Variants in MINDY4 observed in about 807,000 individuals in gnomAD.
MINDY4 encodes the protein MINDY lysine 48 deubiquitinase 4, also known as probable ubiquitin carboxyl-terminal hydrolase MINDY-4.
In MINDY4, 68 loss-of-function variants were observed where a neutral mutation model predicts 87.0. The ratio of observed to expected loss-of-function variants is 0.78; its 90% CI spans 0.64 to 0.96. The LOEUF is 0.96. Among genes scored for constraint, MINDY4 ranks in the 40% least tolerant of loss-of-function variants. MINDY4 has a pLI of 0.00. For missense variants in MINDY4, 919 were observed against 928.2 expected (o/e 0.99, Z 0.13); for synonymous variants, 379 against 363.2 (o/e 1.04, Z -0.50).
intron 15 of MINDY4, among the ~76,000 whole-genome samples, chr7:30,880,861 T>A (rs1481131120): frequency 6.6e-6 from 1 of 152,144 alleles, no homozygotes; most frequent in Non-Finnish European, 1.5e-5. Context: ...TCCCCCTACC[T>A]TCTGGAGGAG....
chr7:30,841,196 C>A (rs779208343), intron 9 of MINDY4, among the ~76,000 whole-genome samples: 4 of 152,210 alleles, frequency 2.6e-5, no homozygotes, highest in Non-Finnish European at 5.9e-5. Context: ...CCGGGCCTCC[C>A]TTCCCTCCCC....
chr7:30,817,749 A>G (rs1376674186), intron 5 of MINDY4, among the ~76,000 whole-genome samples: 1 of 152,204 alleles, frequency 6.6e-6, no homozygotes, highest in Non-Finnish European at 1.5e-5. Context: ...TTGCCAGGTG[A>G]TGCCAGTCTT....
At chr7:30,810,759 G>A (rs1562538623) in intron 5 of MINDY4, among the ~76,000 whole-genome samples, 2 of 152,002 alleles carry the variant, frequency 1.3e-5, no homozygotes, top group Non-Finnish European at 2.9e-5. Context: ...TAATATAAAG[G>A]TGAAATTTAG....
intron 14 of MINDY4, among the ~76,000 whole-genome samples, chr7:30,873,430 C>T (rs546031024): frequency 1.3e-5 from 2 of 152,320 alleles, no homozygotes; most frequent in South Asian, 4.1e-4. Flanking sequence ...TTTTCCCCTC[C>T]TGTGTGTCAG....
chr7:30,864,592 C>G (rs1334374088), intron 13 of MINDY4, among the ~76,000 whole-genome samples: 1 of 152,274 alleles, frequency 6.6e-6, no homozygotes, highest in Non-Finnish European at 1.5e-5. Context: ...GAGCCCTTCT[C>G]CAGCAGCTCC....
Position 30,882,200 on chromosome 7 carries a change from C to A in MINDY4, c.1991C>A (p.Thr664Asn), listed in dbSNP as rs1258316787. The A allele has an allele frequency of 1.9e-6, 3 of 1,610,734 alleles. No homozygotes were observed. The Admixed American group carries it at 5.0e-5, about 27-fold the overall frequency. Reference protein sequence around the residue: ...NMCQVGCFLKTPRFPIWVVCS... With the variant: ...NMCQVGCFLKNPRFPIWVVCS... ...ATCCAGGTTGGCTGCTTCCTGAAGA[C>A]CCCGAGGTTCCCCATCTGGGTGGTT... Residue 664 changes from threonine to asparagine, a missense_variant, in exon 16 of 18, where the codon ACC (threonine) becomes AAC (asparagine). Thr to Asn is a moderately conservative substitution (Grantham distance 65, BLOSUM62 0). Transcript: ENST00000265299.
At chr7:30,880,933 C>T (rs138887205) in intron 15 of MINDY4, among the ~76,000 whole-genome samples, 42 of 152,160 alleles carry the variant, frequency 2.8e-4, no homozygotes, top group African/African-American at 9.9e-4. Flanking sequence ...GAGCACAGCC[C>T]CTCTGTCAGA....
chr7:30,876,526 G>A (rs1212886311), intron 15 of MINDY4, among the ~76,000 whole-genome samples: 1 of 152,190 alleles, frequency 6.6e-6, no homozygotes, highest in Non-Finnish European at 1.5e-5. Context: ...CAGGGGCTCA[G>A]AAAGGGCTGG....
At chr7:30,875,726 G>C in intron 15 of MINDY4, 70 bp downstream of exon 15, 2 of 1,507,826 alleles carry the variant, frequency 1.3e-6, no homozygotes, top group Admixed American at 2.0e-5. Context: ...AGGGAAGTGG[G>C]GAAGGAAAGC....
At chr7:30,855,678 C>A (rs1789548256) in intron 12 of MINDY4, among the ~76,000 whole-genome samples, 1 of 152,220 alleles carries the variant, frequency 6.6e-6, no homozygotes, top group South Asian at 2.1e-4. Context: ...CAGCCTGTAC[C>A]CCAGGGCTTT....
intron 10 of MINDY4, among the ~76,000 whole-genome samples, chr7:30,850,962 C>T (rs899733289): frequency 2.6e-5 from 4 of 152,206 alleles, no homozygotes; most frequent in Non-Finnish European, 4.4e-5. Context: ...TTCCCAGTCC[C>T]CAAAGCACAC....
rs151018937 is a variant in MINDY4, at chr7:30,800,938, C to T, written c.1073+9364C>T. Among the ~76,000 whole-genome samples the T allele has an allele frequency of 5.3e-3, 814 of 152,304 alleles. 3 individuals carry two copies. Among genetic ancestry groups the T allele is most frequent in the Middle Eastern group, 0.01 (3 of 294 alleles). On this transcript the variant is annotated intron_variant, in intron 5 of 17. Transcript: ENST00000265299. ...CCTCCCAACCCCAGCGATTTAGTCT[C>T]GTTGCCCTTGTTGCATAATTTAATT... is the stretch of plus-strand genomic sequence containing the variant.
chr7:30,877,822 C>CTTTTTTT (rs60164229), intron 15 of MINDY4, among the ~76,000 whole-genome samples: 1 of 47,516 alleles, frequency 2.1e-5, no homozygotes, highest in Non-Finnish European at 4.4e-5. Context: ...CAGGGACATG[C>CTTTTTTT]TTTTTTTTTT....
intron 17 of MINDY4, among the ~76,000 whole-genome samples, chr7:30,883,402 G>T (rs3801327): frequency 0.2 from 30,059 of 152,146 alleles, 4,527 homozygotes; most frequent in African/African-American, 0.41. Flanking sequence ...CCCAGCCTGG[G>T]GGTGGCAGGA....
chr7:30,865,641 C>T (rs1464531890), intron 13 of MINDY4, among the ~76,000 whole-genome samples: 4 of 152,212 alleles, frequency 2.6e-5, no homozygotes, highest in South Asian at 4.1e-4. Flanking sequence ...TTAGCCTCAG[C>T]GGGAGCTGGA....
At chr7:30,890,647 C>G (rs1790769041) in intron 17 of MINDY4, among the ~76,000 whole-genome samples, 1 of 152,138 alleles carries the variant, frequency 6.6e-6, no homozygotes, top group Admixed American at 6.6e-5. Context: ...AACCTTGCTG[C>G]CTTTGGAAGG....
Position 30,892,283 on chromosome 7 carries a change from C to T in MINDY4, c.*278C>T. On this transcript the variant is annotated 3_prime_UTR_variant, in exon 18 of 18. Transcript: ENST00000265299. ...TCTGCTACCTTTGTCTGCATCCCTC[C>T]CTTGCTCCCTGCTGGGTGGTCCCTC... The T allele has an allele frequency of 2.2e-6, 1 of 448,978 alleles. No individual in the cohort carries two copies. Among genetic ancestry groups the T allele is most frequent in the South Asian group, 3.5e-5 (1 of 28,294 alleles). 27.8% of individuals were successfully genotyped at this position (448,978 alleles called of 1,614,324 possible).
chr7:30,843,760 GC>G (rs11353779), intron 9 of MINDY4, among the ~76,000 whole-genome samples: 17,708 of 152,164 alleles, frequency 0.12, 2,426 homozygotes, highest in African/African-American at 0.33. Flanking sequence ...ATCTGTCGTT[GC>G]CGGCCAGGCA....
At chr7:30,839,384 C>T in intron 8 of MINDY4, 68 bp downstream of exon 8, 2 of 970,756 alleles carry the variant, frequency 2.1e-6, no homozygotes, top group East Asian at 2.6e-5. Context: ...GGGTGTACCT[C>T]CCAGTTTTGG....
Sources: gnomAD v4.1 joint callset for allele counts (sites outside exome capture counted in the v4.1 genomes callset) on GRCh38, gnomAD v4.1.1 for gene constraint, MANE v1.5 for transcripts, NCBI Gene and HGNC (gene_info 2026-07-23, HGNC 2026-07-21) for gene names.